The following EIF4E3 variants were observed in gnomAD, a reference collection of about 807,000 sequenced individuals.
The protein encoded by EIF4E3 is eukaryotic translation initiation factor 4E type 3.
Under a neutral mutation model 31.7 loss-of-function variants are expected in EIF4E3, and 26 were observed. That is an observed-to-expected ratio of 0.82 (90% CI 0.60 to 1.14). The LOEUF (loss-of-function observed/expected upper bound fraction) is 1.14. EIF4E3 is among the 50% of genes most tolerant of loss of function. EIF4E3 has a pLI of 0.00. For synonymous variants in EIF4E3, 128 were observed against 107.7 expected, an observed-to-expected ratio of 1.19 and a Z score of -1.17; for missense variants, 304 against 270.9, an observed-to-expected ratio of 1.12 and a Z score of -0.86.
the EIF4E3 span, among the ~76,000 whole-genome samples, chr3:71,669,410 TAATAAA>T: frequency 6.6e-6 from 1 of 152,144 alleles, no homozygotes; most frequent in African/African-American, 2.4e-5. Context: ...ATATTAATAA[TAATAAA>T]AACAGGAGCC....
intron 1 of EIF4E3, among the ~76,000 whole-genome samples, chr3:71,724,503 T>C (rs1191487194): frequency 6.6e-6 from 1 of 152,202 alleles, no homozygotes; most frequent in Non-Finnish European, 1.5e-5. Flanking sequence ...GGGGTCTTTC[T>C]GAAAAGATGG....
intron 1 of EIF4E3, among the ~76,000 whole-genome samples, chr3:71,714,969 A>T (rs905788133): frequency 1.3e-5 from 2 of 152,234 alleles, no homozygotes; most frequent in African/African-American, 4.8e-5. Context: ...TCTTAGCTTT[A>T]AAAATCTTTT....
Position 71,684,728 on chromosome 3 carries a change from G to A in EIF4E3, c.629C>T (p.Pro210Leu). ...TTCAAAAGCATGATGCTCTTCATGG[G>A]CTAAAGGACAGAAAAAAAACAAAAA... ...HITFKAVFYK[P>L]HEEHHAFEGG... Residue 210 changes from proline (P) to leucine (L), a missense_variant and splice_region_variant, in exon 7 of 7, where the codon CCC becomes CTC. Physicochemically the swap from Pro to Leu is moderately conservative, Grantham distance 98 (BLOSUM62 -3). Coordinates refer to ENST00000425534, the MANE Select transcript of EIF4E3 (RefSeq NM_001134651.2). 2.5e-6 allele frequency: 4 copies of A among 1,613,416 alleles called. No homozygotes were observed. The highest frequency in any genetic ancestry group is 1.3e-5 in the African/African-American group (1 of 74,886).
chr3:71,708,201 T>C (rs758951910), intron 2 of EIF4E3, among the ~76,000 whole-genome samples: 5 of 152,118 alleles, frequency 3.3e-5, no homozygotes, highest in Non-Finnish European at 7.4e-5. Context: ...CCTTCAATAT[T>C]CATTGAGTGC....
chr3:71,747,330 T>C (rs2049884333), intron 1 of EIF4E3, among the ~76,000 whole-genome samples: 1 of 152,248 alleles, frequency 6.6e-6, no homozygotes, highest in Non-Finnish European at 1.5e-5. Context: ...CTATAGTAGA[T>C]ATGAAGTGGT....
intron 1 of EIF4E3, among the ~76,000 whole-genome samples, chr3:71,733,217 G>A (rs952918803): frequency 3.0e-4 from 46 of 152,144 alleles, no homozygotes; most frequent in African/African-American, 9.4e-4. Context: ...CACAAGGAGC[G>A]GGTCCTGGAG....
chr3:71,723,356 T>C (rs761954732), intron 1 of EIF4E3, among the ~76,000 whole-genome samples: 2 of 152,232 alleles, frequency 1.3e-5, no homozygotes, highest in Non-Finnish European at 2.9e-5. Context: ...ATGTACAATA[T>C]TGGAACTCAT....
At chr3:71,688,935 C>T (rs900263210) in intron 6 of EIF4E3, among the ~76,000 whole-genome samples, 6 of 152,178 alleles carry the variant, frequency 3.9e-5, no homozygotes, top group African/African-American at 1.4e-4. Flanking sequence ...TGATTCCTTA[C>T]AGGGAGGCCT....
At chr3:71,664,082 C>T in the EIF4E3 span, among the ~76,000 whole-genome samples, 2 of 152,264 alleles carry the variant, frequency 1.3e-5, no homozygotes, top group East Asian at 3.9e-4. Flanking sequence ...GAAAAGGCTG[C>T]AGACTCAGCT....
At chr3:71,754,533 G>C (rs1484034715), upstream of EIF4E3, 26 of 1,343,010 alleles carry the variant, frequency 1.9e-5, no homozygotes, top group Non-Finnish European at 2.4e-5. The surrounding 1 kb of genome is among the most constrained non-coding windows in gnomAD (Gnocchi z 5.8). Flanking sequence ...AGTGCTGGAC[G>C]GCGGTGGCGA....
chr3:71,709,125 AG>A (rs1217466289), intron 2 of EIF4E3, among the ~76,000 whole-genome samples: 1 of 152,222 alleles, frequency 6.6e-6, no homozygotes, highest in African/African-American at 2.4e-5. Flanking sequence ...TCTGCATGTA[AG>A]AGGCTGCCTA....
upstream of EIF4E3, chr3:71,753,904 G>T: frequency 1.1e-6 from 1 of 949,422 alleles, no homozygotes; most frequent in Non-Finnish European, 1.3e-6. Context: ...GAGCCCAGGA[G>T]GGGCCGGCCG....
intron 1 of EIF4E3, among the ~76,000 whole-genome samples, chr3:71,714,365 A>G (rs1278909218): frequency 1.3e-5 from 2 of 152,190 alleles, no homozygotes; most frequent in East Asian, 1.9e-4. Context: ...AAGAAAGGAG[A>G]TATGTCAGGC....
Position 71,725,342 on chromosome 3 carries a change from G to C in EIF4E3, c.26C>G (p.Pro9Arg). The C allele has an allele frequency of 1.0e-6, 1 of 973,616 alleles. No individual in the cohort carries two copies. Among genetic ancestry groups the C allele is most frequent in the Non-Finnish European group, 1.2e-6 (1 of 821,878 alleles). The allele number at this position is 973,616 out of a possible 1,614,324, so 60.3% of individuals were successfully genotyped here. A position where few individuals can be genotyped will look rare whatever the true frequency, so the allele number is the denominator to read the frequency against. The change falls in exon 1 of 7, where the codon CCC becomes CGC. Residue 9 changes from proline (P) to arginine (R), a missense_variant. Coordinates refer to ENST00000425534, the MANE Select transcript of EIF4E3 (RefSeq NM_001134651.2). This position sits in a 1 kb window ranked among gnomAD's most constrained non-coding sequence, Gnocchi z 6.1. The stretch of plus-strand genomic sequence containing the variant: ...CGGCGGCTCCCGGGCCCCGGCGGGG[G>C]GCGCGGCGGCCGGGGGCAGCGCCAT... MALPPAAA[P>R]PAGAREPPGS...
intron 1 of EIF4E3, among the ~76,000 whole-genome samples, chr3:71,730,894 T>G (rs936266012): frequency 2.6e-5 from 4 of 152,140 alleles, no homozygotes. Context: ...CTGCTAATTT[T>G]TAAATTTTTT....
intron 3 of EIF4E3, 107 bp from the exon 4 acceptor site, chr3:71,696,627 A>G: frequency 7.8e-7 from 1 of 1,280,706 alleles, no homozygotes; most frequent in Non-Finnish European, 1.1e-6. Flanking sequence ...GATGACCTTA[A>G]AAACAAAATA....
At chr3:71,729,884 G>A (rs1578381068), upstream of EIF4E3, among the ~76,000 whole-genome samples, 1 of 150,742 alleles carries the variant, frequency 6.6e-6, no homozygotes, top group East Asian at 2.0e-4. Flanking sequence ...TTGGCAATAT[G>A]CTGTTTATGT....
At chr3:71,693,026 C>T (rs926503425) in intron 5 of EIF4E3, among the ~76,000 whole-genome samples, 6 of 152,142 alleles carry the variant, frequency 3.9e-5, no homozygotes, top group East Asian at 1.9e-4. Context: ...CTCTCAAACA[C>T]GGCCCCATCT....
At chr3:71,708,366 T>G (rs1236754051) in intron 2 of EIF4E3, among the ~76,000 whole-genome samples, 2 of 152,212 alleles carry the variant, frequency 1.3e-5, no homozygotes, top group African/African-American at 4.8e-5. Context: ...TAAGGGAAAC[T>G]TTTTTCTTCT....
Sources: gnomAD v4.1 joint callset for allele counts (sites outside exome capture counted in the v4.1 genomes callset) on GRCh38, gnomAD v4.1.1 for gene constraint, Gnocchi (gnomAD v3.1) non-coding constraint, MANE v1.5 for transcripts, NCBI Gene and HGNC (gene_info 2026-07-23, HGNC 2026-07-21) for gene names.